The following CAMTA1 variants were observed in gnomAD, a reference collection of about 807,000 sequenced individuals.
CAMTA1 encodes the protein calmodulin binding transcription activator 1.
CAMTA1 carries 27 observed loss-of-function variants against 170.9 expected under a neutral mutation model. That is an observed-to-expected ratio of 0.16 (90% CI 0.12 to 0.22). CAMTA1 has a LOEUF of 0.22. Ranked by LOEUF, CAMTA1 falls within the 10% of genes least tolerant of loss-of-function variation. The pLI is 1.00. For synonymous variants in CAMTA1, 833 were observed against 891.5 expected (o/e 0.93, Z 1.17); for missense variants, 1,619 against 2,217.2 (o/e 0.73, Z 5.42).
intron 4 of CAMTA1, among the ~76,000 whole-genome samples, chr1:7,235,168 T>C (rs1038349200): frequency 6.6e-6 from 1 of 152,040 alleles, no homozygotes; most frequent in Non-Finnish European, 1.5e-5. Flanking sequence ...CACAAAGACA[T>C]TGTGGCCCTT....
At chr1:7,012,299 G>C (rs1043936226) in intron 3 of CAMTA1, among the ~76,000 whole-genome samples, 1 of 152,094 alleles carries the variant, frequency 6.6e-6, no homozygotes, top group Admixed American at 6.5e-5. Context: ...ACCTTGCCAG[G>C]TAGAGATAAT....
chr1:7,551,355 T>G (rs72865457), intron 6 of CAMTA1, among the ~76,000 whole-genome samples: 1 of 151,488 alleles, frequency 6.6e-6, no homozygotes, highest in African/African-American at 2.4e-5. Context: ...TGCATGAGTG[T>G]GTATGTGCAT....
intron 6 of CAMTA1, among the ~76,000 whole-genome samples, chr1:7,540,065 A>G (rs2094591668): frequency 6.6e-6 from 1 of 152,118 alleles, no homozygotes; most frequent in African/African-American, 2.4e-5. Flanking sequence ...TGAACCCTGT[A>G]CACACCCAAC....
At chr1:6,960,415 G>A (rs898477320) in intron 3 of CAMTA1, among the ~76,000 whole-genome samples, 8 of 152,094 alleles carry the variant, frequency 5.3e-5, no homozygotes, top group Non-Finnish European at 7.4e-5. Context: ...CATTGGGAAG[G>A]CAGTCTGGGC....
chr1:7,493,564 C>T (rs560608060), intron 6 of CAMTA1, among the ~76,000 whole-genome samples: 8 of 151,928 alleles, frequency 5.3e-5, no homozygotes, highest in African/African-American at 1.7e-4. Context: ...AGGCACGCAA[C>T]GACGGATCCA....
At chr1:7,454,942 C>T (rs984009334) in intron 5 of CAMTA1, among the ~76,000 whole-genome samples, 20 of 152,126 alleles carry the variant, frequency 1.3e-4, no homozygotes, top group African/African-American at 4.8e-4. Flanking sequence ...CTCACCATTA[C>T]TATTATTTTC....
intron 6 of CAMTA1, among the ~76,000 whole-genome samples, chr1:7,508,741 G>C (rs541398592): frequency 3.1e-4 from 47 of 152,198 alleles, no homozygotes; most frequent in African/African-American, 1.1e-3. Context: ...AGGGAAGGGA[G>C]GGAGGGACAG....
intron 4 of CAMTA1, among the ~76,000 whole-genome samples, chr1:7,214,755 A>G (rs920054455): frequency 1.3e-5 from 2 of 152,162 alleles, no homozygotes; most frequent in African/African-American, 2.4e-5. Context: ...CCCTTTGCCT[A>G]GTCCTAGTTC....
chr1:7,309,595 G>A (rs1372363701), intron 5 of CAMTA1, among the ~76,000 whole-genome samples: 2 of 152,008 alleles, frequency 1.3e-5, no homozygotes, highest in Admixed American at 6.6e-5. Flanking sequence ...CGCCGCGCCC[G>A]GCCTGAAAAC....
chr1:7,505,445 C>G (rs973816242), intron 6 of CAMTA1, among the ~76,000 whole-genome samples: 5 of 152,232 alleles, frequency 3.3e-5, no homozygotes, highest in Non-Finnish European at 7.3e-5. Context: ...CACCCTCCCC[C>G]AGCTCCAGCC....
At chr1:7,292,809 C>T (rs1673340306) in intron 5 of CAMTA1, among the ~76,000 whole-genome samples, 1 of 152,162 alleles carries the variant, frequency 6.6e-6, no homozygotes, top group Non-Finnish European at 1.5e-5. Flanking sequence ...TTCTTATTGC[C>T]CTTCATGGGC....
chr1:6,896,435 T>C (rs1197306008), intron 3 of CAMTA1, among the ~76,000 whole-genome samples: 3 of 152,214 alleles, frequency 2.0e-5, no homozygotes, highest in Non-Finnish European at 4.4e-5. Flanking sequence ...GATAGCATTT[T>C]CTGTGATTTC....
intron 3 of CAMTA1, among the ~76,000 whole-genome samples, chr1:6,902,417 C>T (rs117261447): frequency 0.013 from 1,943 of 152,224 alleles, 15 homozygotes; most frequent in East Asian, 0.027. Flanking sequence ...GGACGAGTCT[C>T]GAATGCATTA....
rs1641618878 is a variant in CAMTA1 at position 7,092,573 on chromosome 1, C to G, written c.302+1202C>G. Among the ~76,000 whole-genome samples, 1 of 152,148 alleles carries G rather than the reference C, an allele frequency of 6.6e-6. No individual in the cohort carries two copies. Among genetic ancestry groups the G allele is most frequent in the Non-Finnish European group, 1.5e-5 (1 of 68,040 alleles). On this transcript the variant is annotated intron_variant, in intron 4 of 22. Transcript: ENST00000303635. The surrounding 1 kb of genome is among the most constrained non-coding windows in gnomAD (Gnocchi z 5.0). Reference sequence around the variant, plus strand: ...TCTGGCCTGAGAATGGGAGGAGAGTCTGTCCGCAGGAGTCCCCAAAACCTC... The same window carrying G: ...TCTGGCCTGAGAATGGGAGGAGAGTGTGTCCGCAGGAGTCCCCAAAACCTC...
intron 6 of CAMTA1, among the ~76,000 whole-genome samples, chr1:7,584,156 T>C (rs1393974366): frequency 2.6e-5 from 4 of 152,122 alleles, no homozygotes; most frequent in African/African-American, 7.2e-5. Context: ...TTGTTAAAGA[T>C]GATAAGGCAG....
At chr1:7,490,818 G>A (rs2093692600) in intron 6 of CAMTA1, among the ~76,000 whole-genome samples, 1 of 152,222 alleles carries the variant, frequency 6.6e-6, no homozygotes, top group Non-Finnish European at 1.5e-5. Flanking sequence ...TCTCCTTGAT[G>A]CAGAAAGTGG....
At chr1:7,583,778 A>AGG (rs113103041) in intron 6 of CAMTA1, among the ~76,000 whole-genome samples, 10 of 152,206 alleles carry the variant, frequency 6.6e-5, no homozygotes, top group African/African-American at 2.4e-4. Flanking sequence ...AGGAAGACAC[A>AGG]GGGGGGTTCA....
rs1204251325 is a variant in CAMTA1, at chr1:7,041,163, G to A, written c.235-50141G>A. Among the ~76,000 whole-genome samples the A allele has an allele frequency of 6.6e-6, 1 of 152,238 alleles. No homozygotes were observed. The highest frequency in any genetic ancestry group is 1.5e-5 in the Non-Finnish European group (1 of 68,050). On this transcript the variant is annotated intron_variant, in intron 3 of 22. Coordinates refer to ENST00000303635, the MANE Select transcript of CAMTA1 (RefSeq NM_015215.4). This position sits in a 1 kb window ranked among gnomAD's most constrained non-coding sequence, Gnocchi z 5.1. ...AAGTTGGCCCCAAGCCAGTGCGGGC[G>A]ACGGTGTCAGCCACCCTTGGTTCAT...
At position 7,738,043 on chromosome 1, in the gene CAMTA1, T is replaced by C; in HGVS notation, c.3743T>C (p.Leu1248Ser). The C allele has an allele frequency of 6.2e-7, 1 of 1,614,134 alleles. No homozygotes were observed. Among genetic ancestry groups the C allele is most frequent in the Non-Finnish European group, 8.5e-7 (1 of 1,180,034 alleles). ...TATCCGGCTCCCAAAAAGCATAAATTGAACCCTGAGTACTTCCAGACAAGG... is the reference window on the plus strand; with the variant it reads ...TATCCGGCTCCCAAAAAGCATAAATCGAACCCTGAGTACTTCCAGACAAGG... ...KDYPAPKKHK[L>S]NPEYFQTRQE... The change falls in exon 16 of 23, where the codon TTG becomes TCG. Residue 1248 changes from leucine (L) to serine (S), a missense_variant. Leu to Ser is a moderately radical substitution (Grantham distance 145). Transcript: ENST00000303635. The surrounding 1 kb of genome is among the most constrained non-coding windows in gnomAD (Gnocchi z 4.9).
Sources: allele counts gnomAD v4.1 joint callset (sites outside exome capture counted in the v4.1 genomes callset), GRCh38; gene constraint gnomAD v4.1.1; non-coding constraint Gnocchi (gnomAD v3.1); transcripts MANE v1.5; gene names NCBI Gene and HGNC (gene_info 2026-07-23, HGNC 2026-07-21).